Variants in CREB5 observed in about 807,000 individuals in gnomAD.
CREB5 encodes cAMP responsive element binding protein 5, also known as cyclic AMP-responsive element-binding protein 5.
A neutral mutation model predicts 57.1 loss-of-function variants in CREB5; 19 were observed. The observed-to-expected ratio is 0.33, with a 90% CI of 0.23 to 0.49. CREB5 has a LOEUF of 0.49. Ranked by LOEUF, CREB5 falls within the 20% of genes least tolerant of loss-of-function variation. The pLI, the probability that CREB5 is intolerant of heterozygous loss-of-function variation, is 0.99. For missense variants in CREB5, 579 were observed against 671.6 expected (o/e 0.86, Z 1.52); for synonymous variants, 238 against 238.3 (o/e 1.00, Z 0.01).
intron 1 of CREB5, among the ~76,000 whole-genome samples, chr7:28,445,654 C>A (rs1789414048): frequency 6.6e-6 from 1 of 152,048 alleles, no homozygotes; most frequent in East Asian, 1.9e-4. Context: ...CAGGTTCACG[C>A]CATTCTCCTG....
At chr7:28,388,064 C>T (rs1001308371) in intron 1 of CREB5, among the ~76,000 whole-genome samples, 3 of 152,134 alleles carry the variant, frequency 2.0e-5, no homozygotes, top group Non-Finnish European at 4.4e-5. Flanking sequence ...TCAGCTGTAT[C>T]TGGAGGAATC....
intron 7 of CREB5, among the ~76,000 whole-genome samples, chr7:28,733,288 T>G (rs1477013691): frequency 6.6e-6 from 1 of 152,186 alleles, no homozygotes; most frequent in African/African-American, 2.4e-5. Context: ...TTCTGGAACT[T>G]CCTTCTCCCT....
intron 1 of CREB5, among the ~76,000 whole-genome samples, chr7:28,465,730 T>C (rs1325625592): frequency 1.3e-5 from 2 of 152,150 alleles, no homozygotes; most frequent in Non-Finnish European, 2.9e-5. Flanking sequence ...GTTTGGAAAA[T>C]GGCTTTGTAA....
At chr7:28,582,370 G>T (rs545208060) in intron 5 of CREB5, among the ~76,000 whole-genome samples, 1 of 152,226 alleles carries the variant, frequency 6.6e-6, no homozygotes, top group East Asian at 1.9e-4. Flanking sequence ...AACCTTCACG[G>T]GGAACCACAT....
intron 7 of CREB5, among the ~76,000 whole-genome samples, chr7:28,800,446 C>T (rs1253214633): frequency 1.3e-5 from 2 of 152,120 alleles, no homozygotes; most frequent in East Asian, 3.9e-4. Context: ...CACAGCTAGG[C>T]CATATTAAGG....
intron 1 of CREB5, among the ~76,000 whole-genome samples, chr7:28,478,579 TA>T (rs1341101281): frequency 1.3e-5 from 2 of 152,098 alleles, no homozygotes; most frequent in Admixed American, 6.6e-5. Flanking sequence ...TATTTAAGTA[TA>T]AAAAAAGAAA....
chr7:28,377,000 T>C (rs1786844641), intron 1 of CREB5, among the ~76,000 whole-genome samples: 1 of 152,236 alleles, frequency 6.6e-6, no homozygotes, highest in Non-Finnish European at 1.5e-5. Flanking sequence ...TACCGGATTA[T>C]CCATCCCAGC....
At chr7:28,635,566 C>A (rs556104723) in intron 5 of CREB5, among the ~76,000 whole-genome samples, 23 of 152,192 alleles carry the variant, frequency 1.5e-4, no homozygotes, top group African/African-American at 5.5e-4. Context: ...TGACAAGCTG[C>A]GGAATCAAAA....
At chr7:28,704,975 A>T (rs1007147729) in intron 5 of CREB5, among the ~76,000 whole-genome samples, 1 of 152,172 alleles carries the variant, frequency 6.6e-6, no homozygotes, top group Non-Finnish European at 1.5e-5. Context: ...TGCAGGACTC[A>T]GTTACTTCAC....
intron 5 of CREB5, among the ~76,000 whole-genome samples, chr7:28,604,477 A>G (rs926562256): frequency 6.6e-6 from 1 of 152,188 alleles, no homozygotes; most frequent in South Asian, 2.1e-4. Flanking sequence ...TTCTTCTTCT[A>G]AATAACCACT....
chr7:28,569,005 T>C (rs1161778003), intron 4 of CREB5, among the ~76,000 whole-genome samples: 1 of 152,130 alleles, frequency 6.6e-6, no homozygotes, highest in Non-Finnish European at 1.5e-5. Context: ...TCCATTTTTT[T>C]CCCTCCCATC....
chr7:28,614,688 T>G (rs1257765810), intron 5 of CREB5, among the ~76,000 whole-genome samples: 1 of 152,212 alleles, frequency 6.6e-6, no homozygotes, highest in East Asian at 1.9e-4. Context: ...TTGTTATAAT[T>G]GTGGACAAAG....
intron 1 of CREB5, among the ~76,000 whole-genome samples, chr7:28,466,351 G>T (rs1037778344): frequency 1.3e-5 from 2 of 152,048 alleles, no homozygotes; most frequent in African/African-American, 2.4e-5. Flanking sequence ...GCAAGGGAAA[G>T]CTTCAATCAG....
intron 5 of CREB5, among the ~76,000 whole-genome samples, chr7:28,677,382 C>T (rs939579173): frequency 2.0e-5 from 3 of 152,058 alleles, no homozygotes; most frequent in Non-Finnish European, 4.4e-5. Context: ...TGGAGACCTA[C>T]GTTTTAATCT....
intron 1 of CREB5, among the ~76,000 whole-genome samples, chr7:28,310,481 A>C (rs6965632): frequency 0.018 from 2,790 of 152,346 alleles, 82 homozygotes; most frequent in African/African-American, 0.063. Flanking sequence ...GAAATCCCTC[A>C]TCTGGAAGAC....
At chr7:28,300,409 G>A (rs1214342986) in intron 1 of CREB5, among the ~76,000 whole-genome samples, 4 of 152,194 alleles carry the variant, frequency 2.6e-5, no homozygotes, top group South Asian at 2.1e-4. Context: ...TCTCAACAGA[G>A]CGTATGTCCA....
intron 7 of CREB5, among the ~76,000 whole-genome samples, chr7:28,786,317 G>A (rs974434205): frequency 2.0e-5 from 3 of 152,080 alleles, no homozygotes; most frequent in African/African-American, 7.2e-5. Flanking sequence ...CACAATCTCG[G>A]GTTACTGCAA....
rs142475442 is a variant in CREB5, at chr7:28,618,418, A to G, written c.464+47881A>G. Among the ~76,000 whole-genome samples the G allele has an allele frequency of 2.2e-4, 33 of 151,552 alleles. No homozygotes were observed. The East Asian group carries it at 5.8e-3, about 27-fold the overall frequency. On this transcript the variant is annotated intron_variant, in intron 5 of 10. Transcript: ENST00000357727. ...AACTCTGGAAAAATCAGTTTCATCTATTTTTTTTTAATCCTGAGTCAACAC... is the reference window on the plus strand; with the variant it reads ...AACTCTGGAAAAATCAGTTTCATCTGTTTTTTTTTAATCCTGAGTCAACAC...
intron 1 of CREB5, among the ~76,000 whole-genome samples, chr7:28,342,469 T>C (rs1270886965): frequency 6.6e-6 from 1 of 152,236 alleles, no homozygotes. Flanking sequence ...AAAGGAGATT[T>C]GTAAGTGATC....
Sources: gnomAD v4.1 joint callset for allele counts (sites outside exome capture counted in the v4.1 genomes callset) on GRCh38, gnomAD v4.1.1 for gene constraint, MANE v1.5 for transcripts, NCBI Gene and HGNC (gene_info 2026-07-23, HGNC 2026-07-21) for gene names.